The following PSMB2 variants were observed in gnomAD, a reference collection of about 807,000 sequenced individuals.
PSMB2 encodes the protein proteasome 20S subunit beta 2.
PSMB2 carries 13 observed loss-of-function variants against 25.7 expected under a neutral mutation model. The observed-to-expected ratio is 0.51, with a 90% CI of 0.33 to 0.80. The LOEUF is 0.80. PSMB2 is among the 30% of genes least tolerant of loss of function. PSMB2 has a pLI of 0.02. For missense variants in PSMB2, 202 were observed against 259.0 expected, an observed-to-expected ratio of 0.78 and a Z score of 1.51; for synonymous variants, 87 against 96.2, an observed-to-expected ratio of 0.90 and a Z score of 0.56.
rs118132996 is a variant in PSMB2, at chr1:35,602,996, G to A, written c.*271C>T. 26 of 1,130,524 alleles carry A rather than the reference G, an allele frequency of 2.3e-5. No homozygotes were observed. The highest frequency in any genetic ancestry group is 5.9e-5 in the South Asian group (2 of 33,660). The allele number at this position is 1,130,524 out of a possible 1,614,324, so 70.0% of individuals were successfully genotyped here. On this transcript the variant is annotated 3_prime_UTR_variant, in exon 6 of 6. Transcript: ENST00000373237. Reference sequence around the variant, plus strand: ...AAGGAAGCCAAGCATGGAGTAGAACGTGGGGCCGTCAGCTGCTAAAGGGTA... The same window carrying A: ...AAGGAAGCCAAGCATGGAGTAGAACATGGGGCCGTCAGCTGCTAAAGGGTA...
rs180692558 is a variant in PSMB2 at position 35,630,730 on chromosome 1, A to C, written c.285+544T>G. On this transcript the variant is annotated intron_variant, in intron 3 of 5. Transcript: ENST00000373237. Reference sequence around the variant, plus strand: ...GTAGAGTACAAAGGATTTTTAGGGCAGTGAAAATACTCTGTATCCTGTAAT... The same window carrying C: ...GTAGAGTACAAAGGATTTTTAGGGCCGTGAAAATACTCTGTATCCTGTAAT... Among the ~76,000 whole-genome samples, 34 of 152,352 alleles carry C rather than the reference A, an allele frequency of 2.2e-4. No individual in the cohort carries two copies. The East Asian group carries it at 5.0e-3, about 22-fold the overall frequency.
intron 5 of PSMB2, among the ~76,000 whole-genome samples, chr1:35,603,916 T>C (rs1049415151): frequency 6.6e-6 from 1 of 151,192 alleles, no homozygotes; most frequent in East Asian, 2.0e-4. Flanking sequence ...CTGTCTGTAG[T>C]CTCAGCTACT....
intron 3 of PSMB2, among the ~76,000 whole-genome samples, chr1:35,620,652 C>T (rs1317497745): frequency 2.0e-5 from 3 of 147,624 alleles, no homozygotes; most frequent in Admixed American, 1.4e-4. Context: ...GGCGTGAACC[C>T]GGGAGGCAGA....
At chr1:35,628,633 T>TATATA (rs1557456684) in intron 3 of PSMB2, among the ~76,000 whole-genome samples, 5 of 47,006 alleles carry the variant, frequency 1.1e-4, no homozygotes, top group African/African-American at 3.3e-4. Context: ...ATATATATAT[T>TATATA]TTTTTTTTTT....
Position 35,600,134 on chromosome 1 carries a change from C to T in PSMB2, c.*3133G>A. 1 of 959,678 alleles carries T rather than the reference C, an allele frequency of 1.0e-6. No individual in the cohort carries two copies. Among genetic ancestry groups the T allele is most frequent in the South Asian group, 4.8e-5 (1 of 20,686 alleles). The allele number at this position is 959,678 out of a possible 1,614,324, so 59.4% of individuals were successfully genotyped here. A position where few individuals can be genotyped will look rare whatever the true frequency, so the allele number is the denominator to read the frequency against. On this transcript the variant is annotated 3_prime_UTR_variant, in exon 6 of 6. Coordinates refer to ENST00000373237, the MANE Select transcript of PSMB2 (RefSeq NM_002794.5). ...CTCCAGCCTAGGTGATGGAGCAAGA[C>T]CCTGTCTCTGAAAAACAACAATAAA...
intron 3 of PSMB2, among the ~76,000 whole-genome samples, chr1:35,615,225 A>C (rs939526314): frequency 1.4e-4 from 22 of 152,358 alleles, no homozygotes; most frequent in African/African-American, 5.1e-4. Context: ...GATCAAATTT[A>C]AGAAGACAGG....
chr1:35,624,397 C>T (rs1650787727), intron 3 of PSMB2, among the ~76,000 whole-genome samples: 3 of 152,082 alleles, frequency 2.0e-5, no homozygotes, highest in Non-Finnish European at 4.4e-5. Context: ...AAAACTTTAC[C>T]TAGAATTCCT....
intron 3 of PSMB2, among the ~76,000 whole-genome samples, chr1:35,614,045 G>A (rs922502443): frequency 8.5e-5 from 13 of 152,320 alleles, no homozygotes; most frequent in African/African-American, 2.9e-4. Context: ...GCCCAGCACA[G>A]TGCCTGACAC....
At position 35,641,461 on chromosome 1, in the gene PSMB2, C is replaced by A; in HGVS notation, c.-29G>T. On this transcript the variant is annotated 5_prime_UTR_variant, in exon 1 of 6. Coordinates refer to ENST00000373237, the MANE Select transcript of PSMB2 (RefSeq NM_002794.5). ...GGCGGAAGGCCAGGGGCTGCAGGTC[C>A]GACACAGCACGAGACTCGCCCGCTT... The A allele has an allele frequency of 6.2e-7, 1 of 1,613,622 alleles. No individual in the cohort carries two copies.
chr1:35,620,475 A>G (rs1195311485), intron 3 of PSMB2, among the ~76,000 whole-genome samples: 1 of 152,126 alleles, frequency 6.6e-6, no homozygotes, highest in East Asian at 1.9e-4. Flanking sequence ...CTCTTAGCCA[A>G]CAGGCTTCCA....
chr1:35,638,674 A>C (rs1291936415), intron 1 of PSMB2, among the ~76,000 whole-genome samples: 1 of 152,202 alleles, frequency 6.6e-6, no homozygotes, highest in Non-Finnish European at 1.5e-5. Context: ...TGTGGGCTGG[A>C]GTACTCCGAG....
intron 3 of PSMB2, among the ~76,000 whole-genome samples, chr1:35,624,096 G>A (rs1401660245): frequency 6.6e-6 from 1 of 152,180 alleles, no homozygotes; most frequent in Non-Finnish European, 1.5e-5. Flanking sequence ...AGAGTGTGGG[G>A]ATAAGCTTTG....
chr1:35,604,055 G>A lies in PSMB2; in HGVS notation c.499-681C>T, dbSNP rs1165888407. ...AAAAAAAAAAAAAAAGCGGGGGGTG[G>A]GGTGGGCACTGTGGACTGAAAACAA... On this transcript the variant is annotated intron_variant, in intron 5 of 5. Coordinates refer to ENST00000373237, the MANE Select transcript of PSMB2 (RefSeq NM_002794.5). Among the ~76,000 whole-genome samples, 6 of 150,838 alleles carry A rather than the reference G, an allele frequency of 4.0e-5. No individual in the cohort carries two copies. The South Asian group carries it at 1.0e-3, about 26-fold the overall frequency.
intron 3 of PSMB2, 29 bp from the exon 4 acceptor site, chr1:35,609,437 A>C: frequency 6.9e-7 from 1 of 1,447,452 alleles, no homozygotes; most frequent in Non-Finnish European, 9.2e-7. Flanking sequence ...GCAAAGTGAT[A>C]ACTAAAGCAG....
intron 2 of PSMB2, among the ~76,000 whole-genome samples, chr1:35,635,437 G>A (rs1651218630): frequency 6.6e-6 from 1 of 152,090 alleles, no homozygotes; most frequent in Non-Finnish European, 1.5e-5. Flanking sequence ...TCAGCTATCA[G>A]TGTTACAACA....
At chr1:35,639,868 T>C (rs1419278801) in intron 1 of PSMB2, among the ~76,000 whole-genome samples, 1 of 152,200 alleles carries the variant, frequency 6.6e-6, no homozygotes, top group African/African-American at 2.4e-5. Flanking sequence ...TAGAATTTCA[T>C]AAAGTATAAG....
Position 35,621,033 on chromosome 1 carries a change from T to C in PSMB2, c.285+10241A>G, listed in dbSNP as rs1028997827. 1.3e-5 allele frequency among the ~76,000 whole-genome samples: 2 copies of C among 151,992 alleles called. 1 individual carries two copies. Among genetic ancestry groups the C allele is most frequent in the Non-Finnish European group, 2.9e-5 (2 of 67,984 alleles). ...AAATAAATATATATATTTATATTTG[T>C]TTTTAATCAGTAGAGCCCTATTTTG... On this transcript the variant is annotated intron_variant, in intron 3 of 5. Coordinates refer to ENST00000373237, the MANE Select transcript of PSMB2 (RefSeq NM_002794.5).
chr1:35,600,898 A>G lies in PSMB2; in HGVS notation c.*2369T>C. ...GCACTTACCACATGCCAAGCCCTGA[A>G]CTAAATGTTTACCTATATTACTTCA... On this transcript the variant is annotated 3_prime_UTR_variant, in exon 6 of 6. Coordinates refer to ENST00000373237, the MANE Select transcript of PSMB2 (RefSeq NM_002794.5). 1 of 984,952 alleles carries G rather than the reference A, an allele frequency of 1.0e-6. No individual in the cohort carries two copies. Among genetic ancestry groups the G allele is most frequent in the Non-Finnish European group, 1.2e-6 (1 of 829,554 alleles). 61.0% of individuals were successfully genotyped at this position (984,952 alleles called of 1,614,324 possible). A position where few individuals can be genotyped will look rare whatever the true frequency, so the allele number is the denominator to read the frequency against.
intron 3 of PSMB2, among the ~76,000 whole-genome samples, chr1:35,627,021 A>G (rs1270625500): frequency 1.3e-5 from 2 of 152,124 alleles, no homozygotes; most frequent in African/African-American, 4.8e-5. Flanking sequence ...AAATAGCCCC[A>G]TGTGGCTAGT....
Sources: allele counts gnomAD v4.1 joint callset (sites outside exome capture counted in the v4.1 genomes callset), GRCh38; gene constraint gnomAD v4.1.1; transcripts MANE v1.5; gene names NCBI Gene and HGNC (gene_info 2026-07-23, HGNC 2026-07-21).